Variants in BNC2 observed in about 807,000 individuals in gnomAD.
BNC2 encodes zinc finger protein basonuclin-2.
A neutral mutation model predicts 76.3 loss-of-function variants in BNC2; 20 were observed. The ratio of observed to expected loss-of-function variants is 0.26; its 90% confidence interval spans 0.18 to 0.38. The LOEUF (loss-of-function observed/expected upper bound fraction) is 0.38, where lower values mean the gene tolerates loss of function less well. BNC2 is among the 10% of genes least tolerant of loss of function. BNC2 has a pLI of 1.00. For missense variants in BNC2, 1,382 were observed against 1,399.8 expected (o/e 0.99, Z 0.20); for synonymous variants, 582 against 514.8 (o/e 1.13, Z -1.77).
intron 4 of BNC2, among the ~76,000 whole-genome samples, chr9:16,567,417 G>A (rs904052954): frequency 3.3e-5 from 5 of 152,058 alleles, no homozygotes; most frequent in South Asian, 2.1e-4. Flanking sequence ...GCTGGGGGTG[G>A]GTGAGGGGTA....
chr9:16,659,152 G>A (rs974996148), intron 3 of BNC2, among the ~76,000 whole-genome samples: 1 of 152,150 alleles, frequency 6.6e-6, no homozygotes, highest in Admixed American at 6.6e-5. Context: ...GATGGCGGGG[G>A]GGGGCATGTG....
intron 3 of BNC2, among the ~76,000 whole-genome samples, chr9:16,668,816 T>C (rs1057094438): frequency 4.6e-5 from 7 of 152,208 alleles, no homozygotes; most frequent in African/African-American, 1.7e-4. Context: ...TTTTTAGAGC[T>C]ACAAATACGG....
rs1312304570 is a variant in BNC2, at chr9:16,717,995, C to T, written c.330+9802G>A. On this transcript the variant is annotated intron_variant, in intron 3 of 6. Coordinates refer to ENST00000380672, the MANE Select transcript of BNC2 (RefSeq NM_017637.6). ...AAGGATGTTTTCAATATAATGAACA[C>T]CCAAGCTTTTCTGGTCATGAGAAAA... Among the ~76,000 whole-genome samples, 4 of 152,128 alleles carry T rather than the reference C, an allele frequency of 2.6e-5. No individual in the cohort carries two copies. The South Asian group carries it at 8.3e-4, about 32-fold the overall frequency.
At chr9:16,798,687 C>G (rs981737077) in intron 1 of BNC2, among the ~76,000 whole-genome samples, 2 of 152,182 alleles carry the variant, frequency 1.3e-5, no homozygotes, top group Non-Finnish European at 1.5e-5. Flanking sequence ...TTTTCATTCT[C>G]CACTAAACTA....
intron 3 of BNC2, among the ~76,000 whole-genome samples, chr9:16,691,438 G>A (rs1304967073): frequency 6.6e-6 from 1 of 151,620 alleles, no homozygotes; most frequent in Non-Finnish European, 1.5e-5. Flanking sequence ...TGCTTTACCT[G>A]GGTTTTAGCA....
intron 1 of BNC2, among the ~76,000 whole-genome samples, chr9:16,834,921 CCT>C (rs1818667103): frequency 6.6e-6 from 1 of 152,072 alleles, no homozygotes; most frequent in South Asian, 2.1e-4. Flanking sequence ...AGCAGTCTCC[CCT>C]GTGTATGACT....
intron 1 of BNC2, among the ~76,000 whole-genome samples, chr9:16,773,511 A>AG: frequency 1.0e-5 from 1 of 96,174 alleles, no homozygotes. Context: ...TCATGCAATC[A>AG]GAAAAAAAAA....
intron 3 of BNC2, among the ~76,000 whole-genome samples, chr9:16,617,693 C>T (rs766019736): frequency 6.6e-6 from 1 of 152,194 alleles, no homozygotes; most frequent in African/African-American, 2.4e-5. Context: ...GCATCAGCAG[C>T]TCTCAGCACC....
At chr9:16,840,205 T>C (rs1818794082) in intron 1 of BNC2, among the ~76,000 whole-genome samples, 1 of 152,174 alleles carries the variant, frequency 6.6e-6, no homozygotes, top group African/African-American at 2.4e-5. Context: ...ACAGAGCCTA[T>C]CTGCAATGTT....
At chr9:16,788,426 T>A (rs547713441) in intron 1 of BNC2, among the ~76,000 whole-genome samples, 6 of 151,548 alleles carry the variant, frequency 4.0e-5, no homozygotes, top group Admixed American at 6.6e-5. Flanking sequence ...GGTGGTAGGC[T>A]CCTGTAATTC....
At position 16,558,929 on chromosome 9, in the gene BNC2, G is replaced by A. The variant is rs201240187; in HGVS notation, c.434-6164C>T. Among the ~76,000 whole-genome samples the A allele has an allele frequency of 6.5e-4, 84 of 129,548 alleles. 3 individuals are homozygous for A. The East Asian group carries it at 0.014, about 21-fold the overall frequency. The allele number at this position is 129,548 out of a possible 152,430, so 85.0% of individuals were successfully genotyped here. A position where few individuals can be genotyped will look rare whatever the true frequency, so the allele number is the denominator to read the frequency against. On this transcript the variant is annotated intron_variant, in intron 4 of 6. Transcript: ENST00000380672. ...AGCCTGGGTGACAGAGCAAGACTCC[G>A]TCTCAAAAAAAAAAAAAAAAAAGTA... is the stretch of plus-strand genomic sequence containing the variant.
At chr9:16,659,459 T>A (rs766011469) in intron 3 of BNC2, among the ~76,000 whole-genome samples, 4 of 151,832 alleles carry the variant, frequency 2.6e-5, no homozygotes, top group Admixed American at 6.6e-5. Context: ...AACACAAAAA[T>A]TAGCTGTGTG....
intron 1 of BNC2, among the ~76,000 whole-genome samples, chr9:16,847,874 T>C (rs908201051): frequency 6.6e-6 from 1 of 152,210 alleles, no homozygotes; most frequent in Non-Finnish European, 1.5e-5. Flanking sequence ...TAAGCTCATA[T>C]GAAGCATGAA....
chr9:16,449,493 C>A (rs1301058135), intron 5 of BNC2, among the ~76,000 whole-genome samples: 2 of 152,130 alleles, frequency 1.3e-5, no homozygotes, highest in Non-Finnish European at 2.9e-5. Flanking sequence ...ATAAGTCACT[C>A]AGTCCACTTT....
At chr9:16,550,298 T>C (rs1485848044) in intron 5 of BNC2, among the ~76,000 whole-genome samples, 1 of 152,184 alleles carries the variant, frequency 6.6e-6, no homozygotes, top group Non-Finnish European at 1.5e-5. Flanking sequence ...TGTTAGTATA[T>C]TTTATGTGTG....
intron 3 of BNC2, among the ~76,000 whole-genome samples, chr9:16,610,046 T>A (rs1820501497): frequency 6.6e-6 from 1 of 152,164 alleles, no homozygotes; most frequent in Admixed American, 6.6e-5. Flanking sequence ...ATATTATGGA[T>A]AAATATACCA....
intron 1 of BNC2, among the ~76,000 whole-genome samples, chr9:16,765,354 T>C (rs1010962101): frequency 6.6e-6 from 1 of 152,160 alleles, no homozygotes; most frequent in Non-Finnish European, 1.5e-5. Flanking sequence ...AGATTTAAGA[T>C]CTATTTTGGA....
At chr9:16,733,924 C>G (rs899945030) in intron 2 of BNC2, among the ~76,000 whole-genome samples, 1 of 152,004 alleles carries the variant, frequency 6.6e-6, no homozygotes, top group Non-Finnish European at 1.5e-5. Context: ...ACACCTAAGT[C>G]CCTGCACTCT....
chr9:16,564,305 C>A (rs971182738), intron 4 of BNC2, among the ~76,000 whole-genome samples: 2 of 151,978 alleles, frequency 1.3e-5, no homozygotes, highest in African/African-American at 4.8e-5. Context: ...AAGCCAGTGA[C>A]CTGAAGACTA....
Sources: allele counts gnomAD v4.1 joint callset (sites outside exome capture counted in the v4.1 genomes callset), GRCh38; gene constraint gnomAD v4.1.1; transcripts MANE v1.5; gene names NCBI Gene and HGNC (gene_info 2026-07-23, HGNC 2026-07-21).